The following ARID2 variants were observed in gnomAD, a reference collection of about 807,000 sequenced individuals.
ARID2 encodes AT-rich interaction domain 2, also known as AT-rich interactive domain-containing protein 2.
ARID2 carries 32 observed loss-of-function variants against 184.6 expected under a neutral mutation model. The ratio of observed to expected loss-of-function variants is 0.17; its 90% CI spans 0.13 to 0.23. The LOEUF (loss-of-function observed/expected upper bound fraction) is 0.23, where lower values mean the gene tolerates loss of function less well. Ranked by LOEUF, ARID2 falls within the 10% of genes least tolerant of loss-of-function variation. The pLI, the probability that ARID2 is intolerant of heterozygous loss-of-function variation, is 1.00. For missense variants in ARID2, 1,696 were observed against 2,197.6 expected (o/e 0.77, Z 4.56); for synonymous variants, 836 against 772.6 (o/e 1.08, Z -1.36).
intron 3 of ARID2, among the ~76,000 whole-genome samples, chr12:45,775,487 C>T (rs537865758): frequency 1.3e-5 from 2 of 152,272 alleles, no homozygotes; most frequent in Non-Finnish European, 1.5e-5. Context: ...TTTTTTCTCT[C>T]TCAGAAGTTT....
At chr12:45,819,259 A>G (rs1942855739) in intron 5 of ARID2, among the ~76,000 whole-genome samples, 1 of 152,172 alleles carries the variant, frequency 6.6e-6, no homozygotes, top group South Asian at 2.1e-4. Flanking sequence ...GACCTTGTTT[A>G]GACCTAATTT....
intron 20 of ARID2, among the ~76,000 whole-genome samples, chr12:45,904,019 T>TA (rs1944490560): frequency 1.3e-5 from 2 of 152,172 alleles, no homozygotes; most frequent in Admixed American, 6.5e-5. Flanking sequence ...GGGTGATTTT[T>TA]ACCATTTTTC....
chr12:45,758,771 G>A (rs753098387), intron 3 of ARID2, among the ~76,000 whole-genome samples: 39 of 152,250 alleles, frequency 2.6e-4, no homozygotes, highest in Admixed American at 7.9e-4. Context: ...GCAGGGCAGA[G>A]TAAAAGAGAG....
At chr12:45,853,050 G>C (rs1286770828) in intron 15 of ARID2, among the ~76,000 whole-genome samples, 154 bp downstream of exon 15, 2 of 152,094 alleles carry the variant, frequency 1.3e-5, no homozygotes, top group Non-Finnish European at 2.9e-5. Context: ...CTCTGGTTTT[G>C]TAATATTAGT....
intron 20 of ARID2, among the ~76,000 whole-genome samples, chr12:45,897,258 C>G (rs1268026143): frequency 6.6e-6 from 1 of 152,216 alleles, no homozygotes; most frequent in Non-Finnish European, 1.5e-5. Flanking sequence ...GACACTTACC[C>G]TGTACCATAT....
At chr12:45,844,856 C>A (rs1943413689) in intron 11 of ARID2, among the ~76,000 whole-genome samples, 1 of 152,108 alleles carries the variant, frequency 6.6e-6, no homozygotes, top group Non-Finnish European at 1.5e-5. Flanking sequence ...AATGCATAAT[C>A]CTGCAGAGCT....
At chr12:45,890,948 T>C (rs1486709275) in intron 16 of ARID2, among the ~76,000 whole-genome samples, 4 of 151,972 alleles carry the variant, frequency 2.6e-5, no homozygotes, top group Non-Finnish European at 4.4e-5. Flanking sequence ...GGGCAGATCA[T>C]GAGGTCAGGA....
chr12:45,733,927 T>C (rs560498598), intron 3 of ARID2, among the ~76,000 whole-genome samples: 1 of 152,356 alleles, frequency 6.6e-6, no homozygotes, highest in Admixed American at 6.5e-5. Context: ...TATTTTAACA[T>C]TGGCATTTAA....
chr12:45,773,863 C>T (rs977463361), intron 3 of ARID2, among the ~76,000 whole-genome samples: 4 of 152,072 alleles, frequency 2.6e-5, no homozygotes, highest in African/African-American at 9.7e-5. Context: ...AAGAAATAGA[C>T]TTAGTTGGGG....
At chr12:45,894,961 C>A (rs1944351231) in intron 20 of ARID2, among the ~76,000 whole-genome samples, 1 of 152,126 alleles carries the variant, frequency 6.6e-6, no homozygotes, top group Non-Finnish European at 1.5e-5. Flanking sequence ...ACTATTCTCC[C>A]TGCCTAGAAT....
chr12:45,833,451 AT>A (rs1335477027), intron 6 of ARID2, among the ~76,000 whole-genome samples: 5 of 151,482 alleles, frequency 3.3e-5, no homozygotes, highest in Admixed American at 2.6e-4. Flanking sequence ...TCACTATCTT[AT>A]TTTTCTTGAA....
chr12:45,770,973 G>C (rs139102255), intron 3 of ARID2, among the ~76,000 whole-genome samples: 17 of 152,196 alleles, frequency 1.1e-4, no homozygotes, highest in African/African-American at 4.1e-4. Flanking sequence ...GCATTTGACT[G>C]CCTCCTGTCA....
rs776293401 is a variant in ARID2, at chr12:45,850,848, A to G, written c.2725A>G (p.Thr909Ala). 10 of 1,614,154 alleles carry G rather than the reference A, an allele frequency of 6.2e-6. No individual in the cohort carries two copies. The highest frequency in any genetic ancestry group is 1.7e-5 in the Admixed American group (1 of 60,012). Reference sequence around the variant, plus strand: ...TCTCCCTTCTCAGCAAGTTTCATCTACAGTGGTACAGCAGCCTATTCAACA... The same window carrying G: ...TCTCCCTTCTCAGCAAGTTTCATCTGCAGTGGTACAGCAGCCTATTCAACA... ...KPLPSQQVSS[T>A]VVQQPIQQPQ... Residue 909 changes from threonine (T) to alanine (A), a missense_variant, in exon 15 of 21, where the codon ACA becomes GCA. Around this residue, in one of 11 missense-constraint regions of ARID2, gnomAD observed 713 missense variants for 824.4 expected, o/e 0.86. Transcript: ENST00000334344.
chr12:45,738,779 CTT>C (rs11333868), intron 3 of ARID2, among the ~76,000 whole-genome samples: 22 of 62,266 alleles, frequency 3.5e-4, no homozygotes, highest in African/African-American at 1.6e-3. Context: ...ATATGGGCTA[CTT>C]TTTTTTTTTT....
Position 45,807,748 on chromosome 12 carries a change from T to C in ARID2, c.285-3670T>C, listed in dbSNP as rs182781151. Among the ~76,000 whole-genome samples, 4 of 152,318 alleles carry C rather than the reference T, an allele frequency of 2.6e-5. No homozygotes were observed. In the East Asian group the frequency reaches 7.7e-4, roughly 29 times the overall value. On this transcript the variant is annotated intron_variant, in intron 3 of 20. Transcript: ENST00000334344. ...CTGTGTGAATTGATACATGATCAGT[T>C]TTAAAATTTCCATTAAGATTCTAAA...
chr12:45,892,131 C>T (rs1592144734), intron 18 of ARID2, 35 bp downstream of exon 18: 2 of 1,582,100 alleles, frequency 1.3e-6, no homozygotes, highest in East Asian at 4.5e-5. Context: ...GTTGTACATA[C>T]AAAAAGAAAC....
chr12:45,730,315 G>A (rs1480968762), intron 2 of ARID2, among the ~76,000 whole-genome samples, 178 bp downstream of exon 2: 1 of 148,098 alleles, frequency 6.8e-6, no homozygotes, highest in African/African-American at 2.4e-5. Flanking sequence ...TGGCCTGGTG[G>A]CTCGCGTGCG....
At chr12:45,805,935 A>C (rs1942592283) in intron 3 of ARID2, among the ~76,000 whole-genome samples, 2 of 152,160 alleles carry the variant, frequency 1.3e-5, no homozygotes, top group African/African-American at 4.8e-5. Flanking sequence ...CCCCCTTGGT[A>C]ATCACCATTC....
intron 16 of ARID2, among the ~76,000 whole-genome samples, chr12:45,880,372 A>AT (rs1944079696): frequency 6.6e-6 from 1 of 152,226 alleles, no homozygotes; most frequent in Admixed American, 6.5e-5. Flanking sequence ...GATAAAACTG[A>AT]TAATTCCCCA....
Sources: gnomAD v4.1 joint callset for allele counts (sites outside exome capture counted in the v4.1 genomes callset) on GRCh38, gnomAD v4.1.1 for gene constraint, gnomAD v4.1.1 regional missense constraint, MANE v1.5 for transcripts, NCBI Gene and HGNC (gene_info 2026-07-23, HGNC 2026-07-21) for gene names.